The following NAE1 variants were observed in gnomAD, a reference collection of about 807,000 sequenced individuals.
The protein encoded by NAE1 is NEDD8-activating enzyme E1 regulatory subunit.
NAE1 carries 59 observed loss-of-function variants against 88.0 expected under a neutral mutation model. The ratio of observed to expected loss-of-function variants is 0.67; its 90% confidence interval spans 0.54 to 0.83. The LOEUF (loss-of-function observed/expected upper bound fraction) is 0.83. Ranked by LOEUF, NAE1 falls within the 40% of genes least tolerant of loss-of-function variation. The pLI is 0.00. For missense variants in NAE1, 554 were observed against 632.8 expected, an observed-to-expected ratio of 0.88 and a Z score of 1.34; for synonymous variants, 186 against 208.9, an observed-to-expected ratio of 0.89 and a Z score of 0.95.
At chr16:66,810,453 GAGA>G (rs756833382) in intron 14 of NAE1, 40 bp from the exon 15 acceptor site, 3 of 1,556,598 alleles carry the variant, frequency 1.9e-6, no homozygotes, top group Non-Finnish European at 2.6e-6. Flanking sequence ...CAGTTTAAAA[GAGA>G]AGATTAACAA....
At chr16:66,813,929 G>C in intron 11 of NAE1, 83 bp from the exon 12 acceptor site, 1 of 1,288,186 alleles carries the variant, frequency 7.8e-7, no homozygotes, top group Non-Finnish European at 1.1e-6. Context: ...CTTCAGATAT[G>C]TTCTTTGAAT....
intron 6 of NAE1, among the ~76,000 whole-genome samples, chr16:66,822,920 G>A (rs1166310361): frequency 1.3e-5 from 2 of 149,002 alleles, no homozygotes; most frequent in African/African-American, 2.4e-5. Flanking sequence ...CACCTGCCTC[G>A]GCCTCCCAAA....
chr16:66,808,527 A>G lies in NAE1; in HGVS notation c.1324T>C (p.Tyr442His). 6.4e-7 allele frequency: 1 copy of G among 1,562,342 alleles called. No homozygotes were observed. Among genetic ancestry groups the G allele is most frequent in the East Asian group, 2.3e-5 (1 of 44,088 alleles). Reference sequence around the variant, plus strand: ...ATTCAATTGCTATTCTTACCTGGATATCTACCCTGTTGTTTATGAAATCTA... The same window carrying G: ...ATTCAATTGCTATTCTTACCTGGATGTCTACCCTGTTGTTTATGAAATCTA... Reference protein sequence around the residue: ...VDRFHKQQGRYPGVSNYQVEE... With the variant: ...VDRFHKQQGRHPGVSNYQVEE... The change falls in exon 17 of 20, where the codon TAT becomes CAT. Residue 442 changes from tyrosine to histidine, a missense_variant. Tyr to His is a moderately conservative substitution (Grantham distance 83). Coordinates refer to ENST00000290810, the MANE Select transcript of NAE1 (RefSeq NM_003905.4).
chr16:66,816,619 C>T lies in NAE1; in HGVS notation c.802G>A (p.Ala268Thr). 1 of 1,612,192 alleles carries T rather than the reference C, an allele frequency of 6.2e-7. No homozygotes were observed. The highest frequency in any genetic ancestry group is 8.5e-7 in the Non-Finnish European group (1 of 1,178,832). ...AGTGCTGTGTTCACATTTTTAATAG[C>T]TTCTTCAAAATTCTCTTCATCTTCT... ...APEDEENFEEAIKNVNTALNT... is the reference protein window; with the variant it reads ...APEDEENFEETIKNVNTALNT... The change falls in exon 11 of 20, where the codon GCT becomes ACT. Residue 268 changes from alanine to threonine, a missense_variant. Physicochemically the swap from Ala to Thr is moderately conservative, Grantham distance 58 (BLOSUM62 0). Transcript: ENST00000290810.
intron 1 of NAE1, 67 bp from the exon 2 acceptor site, chr16:66,826,847 G>T: frequency 6.9e-7 from 1 of 1,453,450 alleles, no homozygotes; most frequent in Non-Finnish European, 9.4e-7. Flanking sequence ...TTATTTGAAT[G>T]GTGATCTTTA....
Position 66,809,092 on chromosome 16 carries a change from T to C in NAE1, c.1151-17A>G, listed in dbSNP as rs1959687968. 3 of 1,589,350 alleles carry C rather than the reference T, an allele frequency of 1.9e-6. No individual in the cohort carries two copies. Among genetic ancestry groups the C allele is most frequent in the Non-Finnish European group, 8.6e-7 (1 of 1,160,958 alleles). Reference sequence around the variant, plus strand: ...AATTGCTGCCTGAACAGAGGAAAGATATTCTGGAAGTAATGACTGTGACTG... The same window carrying C: ...AATTGCTGCCTGAACAGAGGAAAGACATTCTGGAAGTAATGACTGTGACTG... On this transcript the variant is annotated splice_polypyrimidine_tract_variant and intron_variant, in intron 15 of 19. Coordinates refer to ENST00000290810, the MANE Select transcript of NAE1 (RefSeq NM_003905.4).
intron 11 of NAE1, among the ~76,000 whole-genome samples, chr16:66,814,592 C>CAA (rs34053542): frequency 0.51 from 57,185 of 112,474 alleles, 14,057 homozygotes; most frequent in African/African-American, 0.63. Flanking sequence ...GACCCTGTCT[C>CAA]AAAAAAAAAA....
intron 3 of NAE1, 131 bp from the exon 4 acceptor site, chr16:66,825,016 T>G (rs1333239780): frequency 2.0e-6 from 1 of 512,156 alleles, no homozygotes; most frequent in African/African-American, 2.0e-5. Flanking sequence ...TGTAATGGCC[T>G]TCCTGGAGGA....
chr16:66,808,448 CCT>C (rs1959659415), intron 17 of NAE1, 71 bp downstream of exon 17: 1 of 1,043,462 alleles, frequency 9.6e-7, no homozygotes, highest in East Asian at 2.5e-5. Context: ...TTATAAATAC[CCT>C]GAGAACACTT....
chr16:66,815,909 C>G (rs1324168068), intron 11 of NAE1, among the ~76,000 whole-genome samples: 7 of 151,444 alleles, frequency 4.6e-5, no homozygotes, highest in African/African-American at 1.2e-4. Context: ...GTGATCTGCC[C>G]TCCTCGGCCT....
chr16:66,827,875 A>G, intron 1 of NAE1: 2 of 936,424 alleles, frequency 2.1e-6, no homozygotes, highest in South Asian at 1.5e-5. Context: ...TTTTTGATAC[A>G]GGGTCTTACT....
intron 11 of NAE1, among the ~76,000 whole-genome samples, chr16:66,814,400 G>A (rs569438759): frequency 6.6e-6 from 1 of 152,078 alleles, no homozygotes; most frequent in South Asian, 2.1e-4. Flanking sequence ...AGACCAACCT[G>A]AACAAAACAG....
Position 66,821,517 on chromosome 16 carries a change from A to T in NAE1, c.444T>A (p.Ile148=). 1 of 1,603,676 alleles carries T rather than the reference A, an allele frequency of 6.2e-7. No homozygotes were observed. Among genetic ancestry groups the T allele is most frequent in the Non-Finnish European group, 8.5e-7 (1 of 1,176,314 alleles). The change falls in exon 7 of 20, where the codon ATT becomes ATA. Residue 148 remains isoleucine (I), a synonymous_variant. Coordinates refer to ENST00000290810, the MANE Select transcript of NAE1 (RefSeq NM_003905.4). ...RLADVLWNSQ[I]PLLICRTYGL... is the part of the protein sequence containing the mutation. ...CATATGTCCTACAGATCAAAAGAGG[A>T]ATCTGGGAATTCCAGAGGACATCTG...
At chr16:66,824,722 C>T (rs1960396272) in intron 4 of NAE1, 133 bp downstream of exon 4, 2 of 762,042 alleles carry the variant, frequency 2.6e-6, no homozygotes, top group African/African-American at 1.8e-5. Context: ...TGAAGATTTA[C>T]AAGATTACAA....
intron 19 of NAE1, among the ~76,000 whole-genome samples, chr16:66,804,699 C>A (rs1475558111): frequency 6.6e-6 from 1 of 152,010 alleles, no homozygotes; most frequent in Non-Finnish European, 1.5e-5. Flanking sequence ...ATCCTAACCC[C>A]CAGTGTAATT....
rs1350627180 is a variant in NAE1, at chr16:66,830,906, G to A, written c.-7C>T. Reference sequence around the variant, plus strand: ...GCTTTCCCAGCTGCGCCATGGCCGCGCCTGCCGCGCGGAAAACAGCCGAGC... The same window carrying A: ...GCTTTCCCAGCTGCGCCATGGCCGCACCTGCCGCGCGGAAAACAGCCGAGC... On this transcript the variant is annotated 5_prime_UTR_variant, in exon 1 of 20. Coordinates refer to ENST00000290810, the MANE Select transcript of NAE1 (RefSeq NM_003905.4). 4.6e-6 allele frequency: 7 copies of A among 1,531,618 alleles called. No individual in the cohort carries two copies. The highest frequency in any genetic ancestry group is 3.9e-5 in the Admixed American group (2 of 51,866). The allele number at this position is 1,531,618 out of a possible 1,614,324, so 94.9% of individuals were successfully genotyped here. A position where few individuals can be genotyped will look rare whatever the true frequency, so the allele number is the denominator to read the frequency against.
At chr16:66,817,100 C>T in intron 9 of NAE1, 72 bp from the exon 10 acceptor site, 1 of 1,497,254 alleles carries the variant, frequency 6.7e-7, no homozygotes, top group Non-Finnish European at 8.9e-7. Flanking sequence ...TCTAAAGTGT[C>T]CCCCATTCTC....
rs762818584 is a variant in NAE1, at chr16:66,824,849, G to A, written c.249+6C>T. Reference sequence around the variant, plus strand: ...TCACATCCAACTATATTCTCTAATTGTTTACCTTGCCGATACTGCTTCTTT... The same window carrying A: ...TCACATCCAACTATATTCTCTAATTATTTACCTTGCCGATACTGCTTCTTT... On this transcript the variant is annotated splice_donor_region_variant and intron_variant, in intron 4 of 19. Coordinates refer to ENST00000290810, the MANE Select transcript of NAE1 (RefSeq NM_003905.4). 6.2e-7 allele frequency: 1 copy of A among 1,607,770 alleles called. No homozygotes were observed. Among genetic ancestry groups the A allele is most frequent in the African/African-American group, 1.3e-5 (1 of 74,802 alleles).
chr16:66,828,063 G>A (rs152164), intron 1 of NAE1: 576,264 of 1,611,074 alleles, frequency 0.36, 107,977 homozygotes, highest in East Asian at 0.61. Flanking sequence ...GCTGTCAAAT[G>A]TATGGAGGAA....
Sources: allele counts gnomAD v4.1 joint callset (sites outside exome capture counted in the v4.1 genomes callset), GRCh38; gene constraint gnomAD v4.1.1; transcripts MANE v1.5; gene names NCBI Gene and HGNC (gene_info 2026-07-23, HGNC 2026-07-21).